Variants in MCF2L observed in about 807,000 individuals in gnomAD.
The protein encoded by MCF2L is guanine nucleotide exchange factor DBS.
MCF2L carries 97 observed loss-of-function variants against 153.4 expected under a neutral mutation model. That is an observed-to-expected ratio of 0.63 (90% CI 0.54 to 0.75). The LOEUF (loss-of-function observed/expected upper bound fraction) is 0.75. Ranked by LOEUF, MCF2L falls within the 30% of genes least tolerant of loss-of-function variation. The probability of loss-of-function intolerance (pLI) is 0.00; values close to 1 mark genes in which losing one functional copy is unlikely to be tolerated. For missense variants in MCF2L, 1,347 were observed against 1,495.2 expected (o/e 0.90, Z 1.64); for synonymous variants, 659 against 632.2 (o/e 1.04, Z -0.64).
chr13:113,051,522 T>C (rs1411588759), intron 4 of MCF2L, among the ~76,000 whole-genome samples: 3 of 152,138 alleles, frequency 2.0e-5, no homozygotes, highest in African/African-American at 7.2e-5. Context: ...GGGTGGGAGA[T>C]CCAGAGGCCC....
chr13:112,933,151 GC>G (rs1447151167), intron 2 of MCF2L, among the ~76,000 whole-genome samples: 3 of 152,248 alleles, frequency 2.0e-5, no homozygotes, highest in African/African-American at 7.2e-5. Flanking sequence ...GAGACCCACA[GC>G]CTCCTGGAGG....
intron 3 of MCF2L, among the ~76,000 whole-genome samples, chr13:113,042,106 C>T (rs2086531634): frequency 6.6e-6 from 1 of 152,136 alleles, no homozygotes; most frequent in Non-Finnish European, 1.5e-5. Flanking sequence ...ATGCCTCCTG[C>T]CTGCACCCCG....
At position 112,969,736 on chromosome 13, in the gene MCF2L, G is replaced by GC. The variant is rs1174617327; in HGVS notation, c.79+281dup. On this transcript the variant is annotated intron_variant, in intron 1 of 29. Transcript: ENST00000535094. The surrounding 1 kb of genome is among the most constrained non-coding windows in gnomAD (Gnocchi z 4.8). ...GGAGCCATTTGTGTGTCTGAAGTCT[G>GC]CCCATCAACCTGCCTGTCCGCAGCC... 6.6e-6 allele frequency among the ~76,000 whole-genome samples: 1 copy of GC among 152,174 alleles called. No individual in the cohort carries two copies. The highest frequency in any genetic ancestry group is 1.9e-4 in the East Asian group (1 of 5,198).
At chr13:112,915,829 C>G (rs905796557) in intron 2 of MCF2L, among the ~76,000 whole-genome samples, 1 of 152,096 alleles carries the variant, frequency 6.6e-6, no homozygotes, top group Admixed American at 6.5e-5. Context: ...TGTAATATCC[C>G]TATTCAATAT....
In MCF2L at chr13:113,070,245, C is replaced by T; in HGVS notation, c.996+72C>T. On this transcript the variant is annotated intron_variant, in intron 9 of 29. Transcript: ENST00000535094. This position sits in a 1 kb window ranked among gnomAD's most constrained non-coding sequence, Gnocchi z 5.6. Reference sequence around the variant, plus strand: ...GCCTCCTGTGCCTGCGCCCTGGTCCCAGTGCCGGGAGCTGAGCCGTGCCAC... The same window carrying T: ...GCCTCCTGTGCCTGCGCCCTGGTCCTAGTGCCGGGAGCTGAGCCGTGCCAC... The T allele has an allele frequency of 9.4e-7, 1 of 1,066,934 alleles. No homozygotes were observed. Among genetic ancestry groups the T allele is most frequent in the South Asian group, 1.7e-5 (1 of 60,236 alleles). The allele number at this position is 1,066,934 out of a possible 1,614,324, so 66.1% of individuals were successfully genotyped here.
In MCF2L at chr13:113,060,582, C is replaced by G; in HGVS notation, c.370-11C>G. On this transcript the variant is annotated splice_polypyrimidine_tract_variant and intron_variant, in intron 4 of 29. Transcript: ENST00000535094. ...ACGCTGCAGGCCCTTGTCTCTCGCC[C>G]TCTCTCACAGGCATCTTTCCCGGCA... 6.2e-7 allele frequency: 1 copy of G among 1,612,220 alleles called. No homozygotes were observed. Among genetic ancestry groups the G allele is most frequent in the Non-Finnish European group, 8.5e-7 (1 of 1,179,900 alleles).
At chr13:113,090,161 G>C (rs1057239559) in intron 26 of MCF2L, 1 of 1,532,362 alleles carries the variant, frequency 6.5e-7, no homozygotes, top group African/African-American at 1.4e-5. Flanking sequence ...GGTCAGAAAG[G>C]TAAAAGTAGT....
In MCF2L at chr13:113,027,786, T is replaced by C. The variant is rs1177052220; in HGVS notation, c.278+3028T>C. On this transcript the variant is annotated intron_variant, in intron 3 of 29. Coordinates refer to ENST00000535094, the MANE Select transcript of MCF2L (RefSeq NM_001112732.3). The surrounding 1 kb of genome is among the most constrained non-coding windows in gnomAD (Gnocchi z 4.8). ...TTATAGATGAGGCTTAATAACACGG[T>C]GATGGCTGGAGAAAGGGGATGGCTG... Among the ~76,000 whole-genome samples the C allele has an allele frequency of 6.6e-6, 1 of 152,048 alleles. No individual in the cohort carries two copies. Among genetic ancestry groups the C allele is most frequent in the Non-Finnish European group, 1.5e-5 (1 of 68,006 alleles).
rs1278396213 is a variant in MCF2L at position 112,941,770 on chromosome 13, A to G, written c.169+39399A>G. Among the ~76,000 whole-genome samples the G allele has an allele frequency of 1.3e-5, 2 of 152,350 alleles. No individual in the cohort carries two copies. The highest frequency in any genetic ancestry group is 3.9e-4 in the East Asian group (2 of 5,192). The stretch of plus-strand genomic sequence containing the variant: ...TGATTATATATGAATATCAATCATT[A>G]GTTTGTAGCAATTACTCTTTATTCC... On this transcript the variant is annotated intron_variant, in intron 2 of 29. Coordinates refer to the MCF2L transcript ENST00000375608. The surrounding 1 kb of genome is among the most constrained non-coding windows in gnomAD (Gnocchi z 4.9).
At chr13:112,908,163 A>T (rs2993324) in intron 2 of MCF2L, among the ~76,000 whole-genome samples, 1 of 152,010 alleles carries the variant, frequency 6.6e-6, no homozygotes, top group Non-Finnish European at 1.5e-5. Context: ...GCTCGTGTCC[A>T]ATGCCAAGGG....
chr13:112,947,276 C>T (rs1267171012), intron 2 of MCF2L, among the ~76,000 whole-genome samples: 1 of 152,172 alleles, frequency 6.6e-6, no homozygotes, highest in African/African-American at 2.4e-5. Context: ...TAGCATTCCA[C>T]CCCCAGCTCC....
chr13:113,050,165 TGA>T (rs1358499241), intron 4 of MCF2L, among the ~76,000 whole-genome samples: 18 of 152,088 alleles, frequency 1.2e-4, no homozygotes, highest in African/African-American at 4.1e-4. Context: ...TGTGTGAGTG[TGA>T]GTGTGTGACT....
intron 26 of MCF2L, among the ~76,000 whole-genome samples, chr13:113,091,905 C>T (rs997851827): frequency 1.3e-5 from 2 of 152,162 alleles, no homozygotes; most frequent in African/African-American, 4.8e-5. Context: ...CTTCCCATTC[C>T]GCCCGCCTCC....
At chr13:112,952,404 G>A (rs528494106) in intron 2 of MCF2L, among the ~76,000 whole-genome samples, 26 of 152,296 alleles carry the variant, frequency 1.7e-4, no homozygotes, top group African/African-American at 6.0e-4. Flanking sequence ...CAATGTGATC[G>A]TGAACTTGCT....
Position 113,070,011 on chromosome 13 carries a change from A to T in MCF2L, c.882-48A>T, listed in dbSNP as rs1025271629. The stretch of plus-strand genomic sequence containing the variant: ...GAACACCCACCGCGCTCCACGTTGC[A>T]TGGGGCGCCGTGGGCCACACAGACG... On this transcript the variant is annotated intron_variant, in intron 8 of 29. Coordinates refer to ENST00000535094, the MANE Select transcript of MCF2L (RefSeq NM_001112732.3). This position sits in a 1 kb window ranked among gnomAD's most constrained non-coding sequence, Gnocchi z 5.6. The T allele has an allele frequency of 1.2e-5, 16 of 1,383,034 alleles. No individual in the cohort carries two copies. In the Middle Eastern group the frequency reaches 7.2e-4, roughly 62 times the overall value. The allele number at this position is 1,383,034 out of a possible 1,614,324, so 85.7% of individuals were successfully genotyped here. A position where few individuals can be genotyped will look rare whatever the true frequency, so the allele number is the denominator to read the frequency against.
At position 112,969,384 on chromosome 13, in the gene MCF2L, G is replaced by C; in HGVS notation, c.5G>C (p.Arg2Thr). The change falls in exon 1 of 30, where the codon AGG (arginine) becomes ACG (threonine). Residue 2 changes from arginine to threonine, a missense_variant. Arg to Thr is a moderately conservative substitution (Grantham distance 71). This residue lies in a region of MCF2L where 820 missense variants were observed against 921.2 expected (regional missense o/e 0.89). Transcript: ENST00000535094. The surrounding 1 kb of genome is among the most constrained non-coding windows in gnomAD (Gnocchi z 4.8). ...TCATTTTTGTTGTGTCGGAGGATGA[G>C]GTTTTGGCTGAGGACTGAAGAGATG... Reference protein sequence around the residue: MRFWLRTEEMAL... With the variant: MTFWLRTEEMAL... 1 of 1,550,400 alleles carries C rather than the reference G, an allele frequency of 6.4e-7. No individual in the cohort carries two copies. Among genetic ancestry groups the C allele is most frequent in the Non-Finnish European group, 8.7e-7 (1 of 1,146,860 alleles).
At position 112,897,503 on chromosome 13, in the gene MCF2L, A is replaced by G. The variant is rs1191874819; in HGVS notation, c.-5+3072A>G. ...GATGGCTCAAGCGGCCATTGGAACC[A>G]GAGCTGGGAAGCTGTGGGACGTCCC... On this transcript the variant is annotated intron_variant, in intron 1 of 29. Coordinates refer to the MCF2L transcript ENST00000375608. Among the ~76,000 whole-genome samples, 6 of 152,320 alleles carry G rather than the reference A, an allele frequency of 3.9e-5. No homozygotes were observed. The East Asian group carries it at 1.2e-3, about 29-fold the overall frequency.
chr13:112,985,457 C>T (rs1321555152), intron 1 of MCF2L: 2 of 471,104 alleles, frequency 4.2e-6, no homozygotes, highest in Non-Finnish European at 8.8e-6. Context: ...AGTGGTGCTC[C>T]TGGCTGCTGT....
At chr13:113,090,559 C>A (rs773377194) in intron 26 of MCF2L, 2 of 985,170 alleles carry the variant, frequency 2.0e-6, no homozygotes, top group African/African-American at 3.5e-5. Flanking sequence ...CTGGGGCATC[C>A]ACTAGTGAAC....
Sources: gnomAD v4.1 joint callset for allele counts (sites outside exome capture counted in the v4.1 genomes callset) on GRCh38, gnomAD v4.1.1 for gene constraint, gnomAD v4.1.1 regional missense constraint, Gnocchi (gnomAD v3.1) non-coding constraint, MANE v1.5 for transcripts, NCBI Gene and HGNC (gene_info 2026-07-23, HGNC 2026-07-21) for gene names.